Variants in PRDM7 observed in about 807,000 individuals in gnomAD.
The protein encoded by PRDM7 is PR/SET domain 7.
Under a neutral mutation model 64.3 loss-of-function variants are expected in PRDM7, and 52 were observed. The ratio of observed to expected loss-of-function variants is 0.81; its 90% CI spans 0.65 to 1.02. The LOEUF is 1.02. Ranked by LOEUF, PRDM7 falls within the 50% of genes least tolerant of loss-of-function variation. The probability of loss-of-function intolerance (pLI) is 0.00; values close to 1 mark genes in which losing one functional copy is unlikely to be tolerated. For missense variants in PRDM7, 574 were observed against 597.1 expected (o/e 0.96, Z 0.40); for synonymous variants, 192 against 210.1 (o/e 0.91, Z 0.74).
Position 90,066,907 on chromosome 16 carries a change from T to A in PRDM7, c.305A>T (p.Lys102Ile). The change falls in exon 5 of 11, where the codon AAA (lysine) becomes ATA (isoleucine). Residue 102 changes from lysine to isoleucine, a missense_variant. Physicochemically the swap from Lys to Ile is moderately radical, Grantham distance 102. Coordinates refer to ENST00000449207, the MANE Select transcript of PRDM7 (RefSeq NM_001098173.2). ...DEEWTPRQQV[K>I]PPWMAFRGEQ... ...TCCTCTGAAGGCCATCCAAGGAGGT[T>A]TGACTAAGAGGTGATGAGAAATCAG... 6.3e-7 allele frequency: 1 copy of A among 1,595,716 alleles called. No individual in the cohort carries two copies. The highest frequency in any genetic ancestry group is 8.6e-7 in the Non-Finnish European group (1 of 1,165,762).
chr16:90,058,303 C>G lies in PRDM7; in HGVS notation c.1465G>C (p.Gly489Arg). The stretch of plus-strand genomic sequence containing the variant: ...TGTCCTTTTATTCAAGAGTTTGGAC[C>G]TTTCTTTGATCTCTTGACCTTTGGT... ...TKPKVKRSKK[G>R]PNS The change falls in exon 11 of 11, where the codon GGT becomes CGT. Residue 489 changes from glycine (G) to arginine (R), a missense_variant. Physicochemically the swap from Gly to Arg is moderately radical, Grantham distance 125. Transcript: ENST00000449207. 6 of 1,614,198 alleles carry G rather than the reference C, an allele frequency of 3.7e-6. No homozygotes were observed. The highest frequency in any genetic ancestry group is 5.1e-6 in the Non-Finnish European group (6 of 1,180,034).
chr16:90,057,711 C>T lies in PRDM7; in HGVS notation c.*578G>A, dbSNP rs1777542258. ...TAATTAGTTATTTCCGATCTCTTTACACTCTCGGGGAATGTAAGGGGTTAG... is the reference window on the plus strand; with the variant it reads ...TAATTAGTTATTTCCGATCTCTTTATACTCTCGGGGAATGTAAGGGGTTAG... On this transcript the variant is annotated 3_prime_UTR_variant, in exon 11 of 11. Coordinates refer to ENST00000449207, the MANE Select transcript of PRDM7 (RefSeq NM_001098173.2). 8.2e-7 allele frequency: 1 copy of T among 1,221,316 alleles called. No homozygotes were observed. The highest frequency in any genetic ancestry group is 3.3e-5 in the Admixed American group (1 of 29,904). 75.7% of individuals were successfully genotyped at this position (1,221,316 alleles called of 1,614,324 possible). A position where few individuals can be genotyped will look rare whatever the true frequency, so the allele number is the denominator to read the frequency against.
Position 90,056,816 on chromosome 16 carries a change from G to T in PRDM7, c.*1473C>A, listed in dbSNP as rs1217466568. 1 of 152,228 alleles carries T rather than the reference G, an allele frequency of 6.6e-6. No individual in the cohort carries two copies. The highest frequency in any genetic ancestry group is 1.9e-4 in the East Asian group (1 of 5,194). The allele number at this position is 152,228 out of a possible 1,614,324, so 9.4% of individuals were successfully genotyped here. A position where few individuals can be genotyped will look rare whatever the true frequency, so the allele number is the denominator to read the frequency against. ...TTTCTATAATCTATAGATAACATCA[G>T]TTGCTAGGTCAGGGGTCGAATTTTA... On this transcript the variant is annotated 3_prime_UTR_variant, in exon 11 of 11. Coordinates refer to ENST00000449207, the MANE Select transcript of PRDM7 (RefSeq NM_001098173.2).
rs1567873820 is a variant in PRDM7, at chr16:90,058,355, A to T, written c.1413T>A (p.Ile471=). Residue 471 remains isoleucine (I), a synonymous_variant, in exon 11 of 11, where the codon ATT becomes ATA. Coordinates refer to ENST00000449207, the MANE Select transcript of PRDM7 (RefSeq NM_001098173.2). The stretch of plus-strand genomic sequence containing the variant: ...TTGTCATTACAGCAGCGTGGATCAG[A>T]ATATTGCCGCTCCTGATTCTGATCC... ...AQGIRIRSGN[I]LIHAAVMTKP... is the part of the protein sequence containing the mutation. 6.2e-7 allele frequency: 1 copy of T among 1,614,170 alleles called. No individual in the cohort carries two copies. Among genetic ancestry groups the T allele is most frequent in the African/African-American group, 1.3e-5 (1 of 75,026 alleles).
rs758032983 is a variant in PRDM7 at position 90,075,388 on chromosome 16, C to T, written c.156G>A (p.Arg52=). The change falls in exon 3 of 11, where the codon AGG becomes AGA. Residue 52 remains arginine, a synonymous_variant. Transcript: ENST00000449207. This position sits in a 1 kb window ranked among gnomAD's most constrained non-coding sequence, Gnocchi z 4.3. The stretch of plus-strand genomic sequence containing the variant: ...GTGCATTATAGTTCATTTTCACATT[C>T]CTATAGCGAGTTTTCTCCCAGTCTC... ...EMGDWEKTRY[R]NVKMNYNALI... is the part of the protein sequence containing the mutation. 4.0e-5 allele frequency: 65 copies of T among 1,614,074 alleles called. 1 individual carries two copies. The South Asian group carries it at 5.6e-4, about 14-fold the overall frequency.
intron 5 of PRDM7, among the ~76,000 whole-genome samples, chr16:90,065,884 A>T (rs2037866206): frequency 6.6e-6 from 1 of 151,308 alleles, no homozygotes. Context: ...GGAATCAATC[A>T]TTCAGAAAAC....
chr16:90,062,277 T>C (rs2037793780), intron 7 of PRDM7, 85 bp from the exon 8 acceptor site: 3 of 1,611,858 alleles, frequency 1.9e-6, no homozygotes, highest in Admixed American at 3.3e-5. Context: ...GGCACTCACA[T>C]TATTTAGCCC....
At chr16:90,058,814 T>A (rs1318555664) in intron 10 of PRDM7, among the ~76,000 whole-genome samples, 1 of 152,172 alleles carries the variant, frequency 6.6e-6, no homozygotes, top group African/African-American at 2.4e-5. Flanking sequence ...ATTCCTTACA[T>A]AGATGGAACT....
At chr16:90,066,590 C>A (rs2037876597) in intron 5 of PRDM7, among the ~76,000 whole-genome samples, 1 of 150,948 alleles carries the variant, frequency 6.6e-6, no homozygotes, top group Non-Finnish European at 1.5e-5. Context: ...TTAATAGGTA[C>A]TATATGTGAA....
chr16:90,066,833 T>C (rs776101389), intron 5 of PRDM7, 28 bp downstream of exon 5: 57 of 1,545,616 alleles, frequency 3.7e-5, no homozygotes, highest in Non-Finnish European at 5.0e-5. Context: ...GGAAGGTTTC[T>C]TGTCAACAGG....
At chr16:90,068,412 G>GA (rs758182764) in intron 4 of PRDM7, among the ~76,000 whole-genome samples, 6 of 151,184 alleles carry the variant, frequency 4.0e-5, no homozygotes, top group Non-Finnish European at 7.4e-5. Flanking sequence ...GAGGTGGGGG[G>GA]ATCACGAGGT....
chr16:90,072,436 G>A (rs4785625), intron 4 of PRDM7, among the ~76,000 whole-genome samples: 1 of 152,086 alleles, frequency 6.6e-6, no homozygotes, highest in Admixed American at 6.5e-5. Context: ...CTGTGACATG[G>A]GTGAATCTTG....
chr16:90,066,717 A>G, intron 5 of PRDM7, 144 bp downstream of exon 5: 1 of 687,782 alleles, frequency 1.5e-6, no homozygotes, highest in Non-Finnish European at 2.5e-6. Flanking sequence ...AACTCTTAAA[A>G]TAATGATGAT....
chr16:90,060,625 T>C lies in PRDM7; in HGVS notation c.951-2A>G. The C allele has an allele frequency of 6.2e-7, 1 of 1,614,024 alleles. No homozygotes were observed. Among genetic ancestry groups the C allele is most frequent in the Non-Finnish European group, 8.5e-7 (1 of 1,179,922 alleles). ...TCATCCCGGGCACAGTTCACATACC[T>C]GGGGTCAAGGCAGGCAAAGGGAAAG... On this transcript the variant is annotated splice_acceptor_variant, in intron 9 of 10. Transcript: ENST00000449207. LOFTEE classifies it high-confidence loss of function.
At chr16:90,074,014 G>A (rs980581881) in intron 4 of PRDM7, among the ~76,000 whole-genome samples, 9 of 151,498 alleles carry the variant, frequency 5.9e-5, no homozygotes, top group African/African-American at 1.7e-4. Context: ...TCAAACTCCA[G>A]ACTTCAAGTG....
chr16:90,067,379 C>T (rs2037892457), intron 4 of PRDM7, among the ~76,000 whole-genome samples: 1 of 151,042 alleles, frequency 6.6e-6, no homozygotes, highest in Non-Finnish European at 1.5e-5. Flanking sequence ...AAGGCCTATG[C>T]TTCTATTGGG....
In PRDM7 at chr16:90,072,811, C is replaced by T. The variant is rs529666456; in HGVS notation, c.301+2105G>A. 1.8e-4 allele frequency among the ~76,000 whole-genome samples: 27 copies of T among 152,296 alleles called. No individual in the cohort carries two copies. The South Asian group carries it at 3.5e-3, about 20-fold the overall frequency. On this transcript the variant is annotated intron_variant, in intron 4 of 10. Coordinates refer to ENST00000449207, the MANE Select transcript of PRDM7 (RefSeq NM_001098173.2). ...AGATGTATAGATGTGTGGTAAACCA[C>T]GGGAGATAGATTCCCTCTAAAGAGA...
chr16:90,058,840 C>G (rs2037722587), intron 10 of PRDM7, among the ~76,000 whole-genome samples: 1 of 152,178 alleles, frequency 6.6e-6, no homozygotes, highest in African/African-American at 2.4e-5. Flanking sequence ...GACCTTTCCC[C>G]CATGCCACAG....
intron 10 of PRDM7, 67 bp from the exon 11 acceptor site, chr16:90,058,601 A>T (rs976464449): frequency 2.0e-6 from 3 of 1,535,582 alleles, no homozygotes; most frequent in African/African-American, 1.4e-5. Context: ...GAAGGTATGA[A>T]GATCAAATGA....
Sources: allele counts gnomAD v4.1 joint callset (sites outside exome capture counted in the v4.1 genomes callset), GRCh38; gene constraint gnomAD v4.1.1; non-coding constraint Gnocchi (gnomAD v3.1); transcripts MANE v1.5; gene names NCBI Gene and HGNC (gene_info 2026-07-23, HGNC 2026-07-21).